Variants in PCDH15 observed in about 807,000 individuals in gnomAD.
PCDH15 encodes the protein protocadherin related 15.
In PCDH15, 129 loss-of-function variants were observed where a neutral mutation model predicts 178.5. That is an observed-to-expected ratio of 0.72 (90% CI 0.63 to 0.84). The LOEUF (loss-of-function observed/expected upper bound fraction) is 0.84. PCDH15 is among the 40% of genes least tolerant of loss of function. The pLI, the probability that PCDH15 is intolerant of heterozygous loss-of-function variation, is 0.00. For synonymous variants in PCDH15, 800 were observed against 732.0 expected (o/e 1.09, Z -1.50); for missense variants, 2,230 against 2,099.9 (o/e 1.06, Z -1.21).
intron 2 of PCDH15, among the ~76,000 whole-genome samples, chr10:54,899,306 A>G (rs1325881888): frequency 6.6e-6 from 1 of 152,128 alleles, no homozygotes; most frequent in East Asian, 1.9e-4. Context: ...AAATTTTATT[A>G]TTTATCACAA....
intron 2 of PCDH15, among the ~76,000 whole-genome samples, chr10:54,558,648 A>G (rs549516236): frequency 1.3e-5 from 2 of 152,200 alleles, no homozygotes; most frequent in African/African-American, 4.8e-5. Context: ...TTTTATTACT[A>G]CATTATCATT....
intron 10 of PCDH15, among the ~76,000 whole-genome samples, chr10:54,199,063 C>G (rs2049974670): frequency 6.6e-6 from 1 of 152,076 alleles, no homozygotes; most frequent in Non-Finnish European, 1.5e-5. Context: ...AAATAAAATT[C>G]AAATCAGATC....
intron 7 of PCDH15, among the ~76,000 whole-genome samples, chr10:54,328,811 T>G (rs1938762663): frequency 6.6e-6 from 1 of 151,750 alleles, no homozygotes; most frequent in Non-Finnish European, 1.5e-5. Flanking sequence ...AGTATAAGGA[T>G]GGAAGGAACC....
At chr10:54,179,239 TA>T (rs377684544) in intron 13 of PCDH15, among the ~76,000 whole-genome samples, 40,820 of 151,668 alleles carry the variant, frequency 0.27, 6,281 homozygotes, top group Non-Finnish European at 0.36. Context: ...TATGCAGCCA[TA>T]AAAAAAGGAT....
intron 2 of PCDH15, among the ~76,000 whole-genome samples, chr10:55,588,261 C>T (rs1589159248): frequency 6.6e-6 from 1 of 152,106 alleles, no homozygotes; most frequent in African/African-American, 2.4e-5. Context: ...AAGTTGCTGG[C>T]AGCTAAGACT....
chr10:54,148,781 T>C (rs1368442502), intron 14 of PCDH15, among the ~76,000 whole-genome samples: 1 of 152,010 alleles, frequency 6.6e-6, no homozygotes, highest in Non-Finnish European at 1.5e-5. Flanking sequence ...CTTCCTAACA[T>C]ACCCAGTTCA....
intron 8 of PCDH15, among the ~76,000 whole-genome samples, chr10:54,270,691 T>C (rs2057992276): frequency 1.3e-5 from 2 of 152,140 alleles, no homozygotes; most frequent in South Asian, 4.1e-4. Flanking sequence ...TTCTAGCTGT[T>C]TGTGGAAAAT....
At position 55,265,311 on chromosome 10, in the gene PCDH15, G is replaced by GATATATATATATAT. The variant is rs146070132; in HGVS notation, c.-156+54274_-156+54287dup. Reference sequence around the variant, plus strand: ...GATAGATATAGAGATGTATCTCTATGATATATATATATATATAGACATAGA... The same window carrying GATATATATATATAT: ...GATAGATATAGAGATGTATCTCTATGATATATATATATATATATATATATATATATAGACATAGA... On this transcript the variant is annotated intron_variant, in intron 1 of 5. Transcript: ENST00000458638. Among the ~76,000 whole-genome samples, 1,150 of 144,190 alleles carry GATATATATATATAT rather than the reference G, an allele frequency of 8.0e-3. 22 individuals carry two copies. The highest frequency in any genetic ancestry group is 0.026 in the African/African-American group (965 of 37,476). The allele number at this position is 144,190 out of a possible 152,430, so 94.6% of individuals were successfully genotyped here.
chr10:54,112,530 G>T (rs7902776), intron 15 of PCDH15, among the ~76,000 whole-genome samples: 115,099 of 152,088 alleles, frequency 0.76, 44,954 homozygotes, highest in East Asian at 1. Flanking sequence ...TCTCATAAAA[G>T]CTGAGACATA....
At chr10:54,803,665 G>A (rs968874427), upstream of PCDH15, among the ~76,000 whole-genome samples, 8 of 152,180 alleles carry the variant, frequency 5.3e-5, no homozygotes, top group Non-Finnish European at 8.8e-5. Flanking sequence ...ACATGAGAGA[G>A]GAAATGTAAA....
chr10:54,693,164 A>G (rs1489227759), intron 1 of PCDH15, among the ~76,000 whole-genome samples: 1 of 152,026 alleles, frequency 6.6e-6, no homozygotes, highest in Non-Finnish European at 1.5e-5. Context: ...TGTCAGCCAT[A>G]AAAAGAAATA....
intron 2 of PCDH15, among the ~76,000 whole-genome samples, chr10:55,107,484 CTTTTTTTTTTT>C (rs11290952): frequency 2.3e-5 from 2 of 86,206 alleles, no homozygotes; most frequent in Admixed American, 3.1e-4. Context: ...ATTCTCTTTC[CTTTTTTTTTTT>C]TTTTTTTTTT....
chr10:55,558,532 A>G (rs1215218200), intron 2 of PCDH15, among the ~76,000 whole-genome samples: 5 of 152,152 alleles, frequency 3.3e-5, no homozygotes, highest in South Asian at 2.1e-4. Flanking sequence ...TTCTCAGGGA[A>G]TTGTTTTAAA....
chr10:54,799,113 G>T (rs1414689), intron 1 of PCDH15, among the ~76,000 whole-genome samples: 1 of 152,026 alleles, frequency 6.6e-6, no homozygotes, highest in Non-Finnish European at 1.5e-5. Context: ...CTTGACGTAC[G>T]TTTTGTGATC....
At chr10:53,816,165 C>G in intron 35 of PCDH15, 74 bp downstream of exon 35, 2 of 398,242 alleles carry the variant, frequency 5.0e-6, no homozygotes, top group Middle Eastern at 6.3e-4. Context: ...ACTCTGCCTA[C>G]AAGAATTAAT....
At chr10:54,760,198 G>C (rs1251026852) in intron 1 of PCDH15, among the ~76,000 whole-genome samples, 1 of 152,024 alleles carries the variant, frequency 6.6e-6, no homozygotes, top group East Asian at 1.9e-4. Context: ...TGTATCAAGG[G>C]AACAATACCT....
chr10:55,430,066 C>A (rs1407075415), intron 2 of PCDH15, among the ~76,000 whole-genome samples: 1 of 151,972 alleles, frequency 6.6e-6, no homozygotes, highest in African/African-American at 2.4e-5. Flanking sequence ...TAGGTTAGTA[C>A]ATAAATACAT....
At chr10:55,473,130 G>A (rs928087824) in intron 2 of PCDH15, among the ~76,000 whole-genome samples, 1 of 152,082 alleles carries the variant, frequency 6.6e-6, no homozygotes, top group Non-Finnish European at 1.5e-5. Context: ...AACAGTTGAG[G>A]ACTGTTTACT....
intron 21 of PCDH15, among the ~76,000 whole-genome samples, chr10:53,977,861 C>T (rs1342993696): frequency 6.6e-6 from 1 of 152,186 alleles, no homozygotes; most frequent in Non-Finnish European, 1.5e-5. Context: ...CCATGCATGT[C>T]TAAAATCCAG....
Sources: allele counts gnomAD v4.1 joint callset (sites outside exome capture counted in the v4.1 genomes callset), GRCh38; gene constraint gnomAD v4.1.1; transcripts MANE v1.5; gene names NCBI Gene and HGNC (gene_info 2026-07-23, HGNC 2026-07-21).